Variants in DYNLT2B observed in about 807,000 individuals in gnomAD.
DYNLT2B encodes dynein light chain Tctex-type protein 2B.
A neutral mutation model predicts 19.5 loss-of-function variants in DYNLT2B; 14 were observed. That is an observed-to-expected ratio of 0.72 (90% CI 0.47 to 1.12). The LOEUF (loss-of-function observed/expected upper bound fraction) is 1.12. Among genes scored for constraint, DYNLT2B ranks in the 50% most tolerant of loss-of-function variants. The pLI, the probability that DYNLT2B is intolerant of heterozygous loss-of-function variation, is 0.00. For missense variants in DYNLT2B, 133 were observed against 174.7 expected (o/e 0.76, Z 1.35); for synonymous variants, 70 against 59.7 (o/e 1.17, Z -0.79).
chr3:196,303,524 T>C (rs1049327575), intron 3 of DYNLT2B, among the ~76,000 whole-genome samples: 2 of 152,180 alleles, frequency 1.3e-5, no homozygotes, highest in African/African-American at 4.8e-5. Flanking sequence ...ACCATTGATA[T>C]GATATGACGA....
chr3:196,292,807 CTT>C (rs1218551316), intron 4 of DYNLT2B, among the ~76,000 whole-genome samples: 1 of 152,112 alleles, frequency 6.6e-6, no homozygotes, highest in Non-Finnish European at 1.5e-5. Context: ...ATTTTCCCTC[CTT>C]TCTCATTTCC....
At chr3:196,301,439 G>A (rs1023999742) in intron 3 of DYNLT2B, among the ~76,000 whole-genome samples, 4 of 152,138 alleles carry the variant, frequency 2.6e-5, no homozygotes, top group Non-Finnish European at 4.4e-5. Flanking sequence ...GTGGCTGGGC[G>A]CAGTGGCTCA....
chr3:196,294,724 A>ACTTTTTT (rs750506822), intron 4 of DYNLT2B, among the ~76,000 whole-genome samples: 1 of 151,946 alleles, frequency 6.6e-6, no homozygotes, highest in Non-Finnish European at 1.5e-5. Context: ...ATTTCTTTTT[A>ACTTTTTT]CTTTTTTCTT....
chr3:196,307,102 T>G, intron 2 of DYNLT2B, 90 bp from the exon 3 acceptor site: 1 of 1,103,090 alleles, frequency 9.1e-7, no homozygotes, highest in Non-Finnish European at 1.4e-6. Context: ...ACATAAACAT[T>G]CAATCCACAA....
intron 2 of DYNLT2B, 78 bp from the exon 3 acceptor site, chr3:196,307,090 G>T: frequency 1.6e-6 from 2 of 1,277,736 alleles, no homozygotes; most frequent in Non-Finnish European, 2.3e-6. Flanking sequence ...GCCCAGAAAT[G>T]GACATAAACA....
chr3:196,311,400 CAA>C (rs530921121), intron 2 of DYNLT2B, among the ~76,000 whole-genome samples: 14 of 102,304 alleles, frequency 1.4e-4, no homozygotes, highest in Admixed American at 2.1e-4. Flanking sequence ...GACCCTGTCT[CAA>C]AAAAAAAAAA....
intron 2 of DYNLT2B, among the ~76,000 whole-genome samples, chr3:196,311,419 A>G (rs1726639727): frequency 6.6e-6 from 1 of 151,886 alleles, no homozygotes; most frequent in African/African-American, 2.4e-5. Flanking sequence ...AAAAAGAAGA[A>G]GAAAGAAATT....
chr3:196,301,204 C>G (rs1726344676), intron 3 of DYNLT2B, among the ~76,000 whole-genome samples: 1 of 152,170 alleles, frequency 6.6e-6, no homozygotes, highest in Admixed American at 6.5e-5. Flanking sequence ...TGAAGCTAAG[C>G]GGCCAATACT....
intron 4 of DYNLT2B, among the ~76,000 whole-genome samples, chr3:196,291,660 T>C (rs1726099482): frequency 6.6e-6 from 1 of 152,144 alleles, no homozygotes; most frequent in Admixed American, 6.6e-5. Context: ...GTTTATTTTT[T>C]GTAAAGATGA....
At chr3:196,295,151 T>A (rs1726190669) in intron 4 of DYNLT2B, among the ~76,000 whole-genome samples, 3 of 151,804 alleles carry the variant, frequency 2.0e-5, no homozygotes, top group Non-Finnish European at 4.4e-5. Context: ...CTGGAGTAAA[T>A]ATAAAATAAT....
chr3:196,298,059 C>T (rs940800247), intron 3 of DYNLT2B: 32 of 235,444 alleles, frequency 1.4e-4, no homozygotes, highest in African/African-American at 6.4e-4. Flanking sequence ...ACGTGCAGTT[C>T]CTTATAGACC....
intron 3 of DYNLT2B, among the ~76,000 whole-genome samples, chr3:196,296,962 G>A (rs914879907): frequency 2.0e-5 from 3 of 147,636 alleles, no homozygotes; most frequent in African/African-American, 7.6e-5. Context: ...GGGAGGCCAA[G>A]GCGGGCAGAT....
At chr3:196,304,986 G>A (rs13058997) in intron 3 of DYNLT2B, among the ~76,000 whole-genome samples, 2 of 152,112 alleles carry the variant, frequency 1.3e-5, no homozygotes, top group African/African-American at 4.8e-5. Flanking sequence ...GGGCTCAAGA[G>A]GTCCTCCCAC....
chr3:196,302,761 T>C (rs1726388322), intron 3 of DYNLT2B, among the ~76,000 whole-genome samples: 1 of 152,066 alleles, frequency 6.6e-6, no homozygotes, highest in African/African-American at 2.4e-5. Context: ...GAAACCGCCT[T>C]TGCAAAATGA....
intron 3 of DYNLT2B, chr3:196,298,155 G>A (rs1726268179): frequency 5.4e-6 from 2 of 368,252 alleles, no homozygotes; most frequent in Admixed American, 2.8e-5. Context: ...AGAATGGGAC[G>A]ATTTGGCTTT....
chr3:196,293,785 C>G (rs1210737610), intron 4 of DYNLT2B, among the ~76,000 whole-genome samples: 1 of 149,978 alleles, frequency 6.7e-6, no homozygotes, highest in Admixed American at 6.6e-5. Context: ...GCTGGGATTA[C>G]AGGCACCCAA....
Position 196,291,285 on chromosome 3 carries a change from T to A in DYNLT2B, c.*42A>T, listed in dbSNP as rs375075788. On this transcript the variant is annotated 3_prime_UTR_variant, in exon 5 of 5. Coordinates refer to ENST00000325318, the MANE Select transcript of DYNLT2B (RefSeq NM_152773.5). ...TTTAACAATATTAAAAAGTTCAGATTTCTTCATGGTCATGTCTTTTACCAG... is the reference window on the plus strand; with the variant it reads ...TTTAACAATATTAAAAAGTTCAGATATCTTCATGGTCATGTCTTTTACCAG... 7 of 1,565,994 alleles carry A rather than the reference T, an allele frequency of 4.5e-6. No homozygotes were observed. The highest frequency in any genetic ancestry group is 6.1e-6 in the Non-Finnish European group (7 of 1,155,720).
At chr3:196,313,507 T>C (rs750745039) in intron 2 of DYNLT2B, among the ~76,000 whole-genome samples, 10 of 152,152 alleles carry the variant, frequency 6.6e-5, no homozygotes, top group South Asian at 2.1e-4. Flanking sequence ...ATATTAATGA[T>C]TGTTTATTGG....
At chr3:196,317,968 G>A in intron 1 of DYNLT2B, 72 bp downstream of exon 1, 2 of 922,906 alleles carry the variant, frequency 2.2e-6, no homozygotes, top group Non-Finnish European at 2.9e-6. Context: ...CCGTGGCCCA[G>A]GTCCCAGGCG....
Sources: allele counts gnomAD v4.1 joint callset (sites outside exome capture counted in the v4.1 genomes callset), GRCh38; gene constraint gnomAD v4.1.1; transcripts MANE v1.5; gene names NCBI Gene and HGNC (gene_info 2026-07-23, HGNC 2026-07-21).